The following MGAT4C variants were observed in gnomAD, a reference collection of about 807,000 sequenced individuals.
MGAT4C encodes alpha-1,3-mannosyl-glycoprotein 4-beta-N-acetylglucosaminyltransferase C.
MGAT4C carries 19 observed loss-of-function variants against 40.1 expected under a neutral mutation model. The ratio of observed to expected loss-of-function variants is 0.47; its 90% confidence interval spans 0.33 to 0.70. MGAT4C has a LOEUF of 0.70. Ranked by LOEUF, MGAT4C falls within the 30% of genes least tolerant of loss-of-function variation. The pLI is 0.02. For synonymous variants in MGAT4C, 181 were observed against 187.1 expected (o/e 0.97, Z 0.27); for missense variants, 491 against 563.2 (o/e 0.87, Z 1.30).
At chr12:86,270,400 A>T (rs1440696019) in intron 4 of MGAT4C, among the ~76,000 whole-genome samples, 1 of 152,132 alleles carries the variant, frequency 6.6e-6, no homozygotes, top group East Asian at 1.9e-4. Flanking sequence ...ACTCTGTACC[A>T]TTAAAAAAGA....
rs116192884 is a variant in MGAT4C at position 86,188,199 on chromosome 12, G to T, written c.-57+68040C>A. Among the ~76,000 whole-genome samples the T allele has an allele frequency of 6.7e-4, 102 of 152,132 alleles. 1 individual carries two copies. Among genetic ancestry groups the T allele is most frequent in the African/African-American group, 2.3e-3 (94 of 41,544 alleles). The stretch of plus-strand genomic sequence containing the variant: ...ATGAGAAATGATTAAGAATTCTAGT[G>T]ATTTTAAGGGAATAGAGTTTATATT... On this transcript the variant is annotated intron_variant, in intron 1 of 4. Coordinates refer to ENST00000611864, the MANE Select transcript of MGAT4C (RefSeq NM_001351288.2).
chr12:86,555,814 C>T (rs982345040), intron 2 of MGAT4C, among the ~76,000 whole-genome samples: 1 of 152,150 alleles, frequency 6.6e-6, no homozygotes, highest in Non-Finnish European at 1.5e-5. Context: ...TTGGGGCCTT[C>T]GCAGCCTCCA....
intron 2 of MGAT4C, among the ~76,000 whole-genome samples, chr12:86,037,815 C>T (rs1384041002): frequency 6.7e-6 from 1 of 149,376 alleles, no homozygotes; most frequent in Non-Finnish European, 1.5e-5. Context: ...TATGCTTGGT[C>T]CAGAGAGGAT....
intron 3 of MGAT4C, among the ~76,000 whole-genome samples, chr12:86,339,127 T>C (rs1954852972): frequency 1.3e-5 from 2 of 152,128 alleles, no homozygotes; most frequent in Admixed American, 6.6e-5. Flanking sequence ...GTTATCCCTA[T>C]TGTACAGATG....
chr12:86,489,565 C>T (rs1035242340), intron 2 of MGAT4C, among the ~76,000 whole-genome samples: 3 of 152,182 alleles, frequency 2.0e-5, no homozygotes, highest in African/African-American at 7.2e-5. Context: ...TTGTAACATG[C>T]CCTCTGGGGC....
chr12:86,559,491 T>C (rs1959765605), intron 2 of MGAT4C, among the ~76,000 whole-genome samples: 1 of 151,708 alleles, frequency 6.6e-6, no homozygotes, highest in Admixed American at 6.6e-5. Context: ...TAGAAATCAA[T>C]AACAAGAAAA....
At chr12:86,698,758 TTTCATTCTGAAGGAATGAA>T (rs1470952103) in intron 2 of MGAT4C, among the ~76,000 whole-genome samples, 2 of 152,090 alleles carry the variant, frequency 1.3e-5, no homozygotes, top group East Asian at 1.9e-4. Context: ...ATTCACTTGG[TTTCATTCTGAAGGAATGAA>T]TTCATTCTGA....
intron 2 of MGAT4C, among the ~76,000 whole-genome samples, chr12:86,564,591 C>T (rs1960009760): frequency 2.0e-5 from 3 of 152,198 alleles, no homozygotes; most frequent in African/African-American, 7.2e-5. Context: ...GACTAAAATT[C>T]GGGGAACTTC....
intron 2 of MGAT4C, among the ~76,000 whole-genome samples, chr12:86,681,434 C>G (rs1949978829): frequency 6.6e-6 from 1 of 151,916 alleles, no homozygotes; most frequent in Admixed American, 6.6e-5. Context: ...ATTGTTCCTT[C>G]ACAATTCAAT....
At chr12:86,321,544 A>G (rs533907329) in intron 4 of MGAT4C, among the ~76,000 whole-genome samples, 58 of 152,334 alleles carry the variant, frequency 3.8e-4, no homozygotes, top group African/African-American at 1.2e-3. Flanking sequence ...ACCATTGAAA[A>G]CAATACTAGC....
chr12:86,783,739 C>T (rs1309066725), intron 1 of MGAT4C, among the ~76,000 whole-genome samples: 2 of 152,018 alleles, frequency 1.3e-5, no homozygotes, highest in Admixed American at 6.6e-5. Flanking sequence ...TTCATATACC[C>T]TAATCATTTC....
At chr12:86,205,815 A>C (rs538112046) in intron 1 of MGAT4C, among the ~76,000 whole-genome samples, 49 of 152,124 alleles carry the variant, frequency 3.2e-4, no homozygotes, top group African/African-American at 9.9e-4. Context: ...CTTTGACCTA[A>C]ATTAATTTGA....
intron 1 of MGAT4C, among the ~76,000 whole-genome samples, chr12:86,795,028 A>C (rs1952089028): frequency 6.6e-6 from 1 of 152,004 alleles, no homozygotes; most frequent in Admixed American, 6.6e-5. Context: ...AAATGATATA[A>C]GCATAATGTT....
intron 1 of MGAT4C, among the ~76,000 whole-genome samples, chr12:86,103,881 C>A (rs2135606585): frequency 6.6e-6 from 1 of 152,132 alleles, no homozygotes; most frequent in South Asian, 2.1e-4. Context: ...GTTAGTTATG[C>A]CAGCCATATA....
intron 2 of MGAT4C, among the ~76,000 whole-genome samples, chr12:86,585,972 T>A (rs1961016035): frequency 6.6e-6 from 1 of 151,310 alleles, no homozygotes; most frequent in African/African-American, 2.4e-5. Context: ...TATTATACTT[T>A]AAGTTTTAGG....
chr12:86,439,750 A>G (rs1957196246), intron 2 of MGAT4C, among the ~76,000 whole-genome samples: 1 of 152,084 alleles, frequency 6.6e-6, no homozygotes, highest in Admixed American at 6.6e-5. Flanking sequence ...AGCCAAGAAG[A>G]GAGAAGGTTC....
chr12:86,617,758 C>T (rs992782813), intron 2 of MGAT4C, among the ~76,000 whole-genome samples: 4 of 151,088 alleles, frequency 2.6e-5, no homozygotes, highest in African/African-American at 9.7e-5. Context: ...GGGAAATGCT[C>T]CAGTACTTTG....
Position 86,458,819 on chromosome 12 carries a change from A to C in MGAT4C, c.-228-23554T>G, listed in dbSNP as rs181537172. Among the ~76,000 whole-genome samples, 421 of 152,282 alleles carry C rather than the reference A, an allele frequency of 2.8e-3. 1 individual carries two copies. Among genetic ancestry groups the C allele is most frequent in the Non-Finnish European group, 5.3e-3 (360 of 68,020 alleles). The stretch of plus-strand genomic sequence containing the variant: ...ATGAACATTTATTATAATGTATACT[A>C]TACTTTTAGGATTATGAACACCAAT... On this transcript the variant is annotated intron_variant, in intron 2 of 7. Coordinates refer to the MGAT4C transcript ENST00000548651.
rs117937051 is a variant in MGAT4C, at chr12:86,838,412, T to C, written c.-262+254A>G. ...CAAGAGAATTAATATGAACTTATGA[T>C]AATGCAGCCTGCAGCACGGTTTTGT... On this transcript the variant is annotated intron_variant, in intron 1 of 7. Coordinates refer to the MGAT4C transcript ENST00000548651. Among the ~76,000 whole-genome samples, 177 of 152,328 alleles carry C rather than the reference T, an allele frequency of 1.2e-3. 1 individual carries two copies. Among genetic ancestry groups the C allele is most frequent in the Non-Finnish European group, 2.1e-3 (140 of 68,034 alleles).
Sources: allele counts gnomAD v4.1 joint callset (sites outside exome capture counted in the v4.1 genomes callset), GRCh38; gene constraint gnomAD v4.1.1; transcripts MANE v1.5; gene names NCBI Gene and HGNC (gene_info 2026-07-23, HGNC 2026-07-21).